INPP4B: variants seen among roughly 807,000 people sequenced by gnomAD.
INPP4B encodes the protein inositol polyphosphate-4-phosphatase type II B, also known as inositol polyphosphate 4-phosphatase type II.
Under a neutral mutation model 122.5 loss-of-function variants are expected in INPP4B, and 55 were observed. The ratio of observed to expected loss-of-function variants is 0.45; its 90% confidence interval spans 0.36 to 0.56. The LOEUF (loss-of-function observed/expected upper bound fraction) is 0.56. Among genes scored for constraint, INPP4B ranks in the 20% least tolerant of loss-of-function variants. INPP4B has a pLI of 0.00. For synonymous variants in INPP4B, 403 were observed against 388.7 expected, an observed-to-expected ratio of 1.04 and a Z score of -0.43; for missense variants, 1,000 against 1,097.7, an observed-to-expected ratio of 0.91 and a Z score of 1.26.
intron 7 of INPP4B, among the ~76,000 whole-genome samples, chr4:142,376,953 T>G (rs1421798244): frequency 6.6e-6 from 1 of 152,080 alleles, no homozygotes; most frequent in Admixed American, 6.6e-5. Context: ...TTATGTAATG[T>G]CACAAATCGA....
At chr4:142,072,440 C>T (rs1426267613) in intron 25 of INPP4B, among the ~76,000 whole-genome samples, 1 of 150,912 alleles carries the variant, frequency 6.6e-6, no homozygotes, top group African/African-American at 2.4e-5. Context: ...AACTAACCTG[C>T]ACATTGTGCA....
At chr4:142,476,439 T>C (rs1340205025) in intron 2 of INPP4B, among the ~76,000 whole-genome samples, 1 of 152,148 alleles carries the variant, frequency 6.6e-6, no homozygotes, top group Non-Finnish European at 1.5e-5. Context: ...CAAGTCTGCA[T>C]GATAACCAGC....
chr4:142,659,179 C>T (rs540714861), intron 2 of INPP4B, among the ~76,000 whole-genome samples: 1 of 151,580 alleles, frequency 6.6e-6, no homozygotes, highest in South Asian at 2.1e-4. Flanking sequence ...GCGGGCAGAT[C>T]ACCAGGTCAG....
At chr4:142,099,858 T>C (rs933917594) in intron 23 of INPP4B, among the ~76,000 whole-genome samples, 1 of 152,156 alleles carries the variant, frequency 6.6e-6, no homozygotes, top group African/African-American at 2.4e-5. Context: ...AATTTCATCT[T>C]CTTTTACACT....
At chr4:142,090,164 C>A (rs1561081371) in intron 23 of INPP4B, among the ~76,000 whole-genome samples, 1 of 152,146 alleles carries the variant, frequency 6.6e-6, no homozygotes, top group Non-Finnish European at 1.5e-5. Context: ...AAATGTAAAT[C>A]AAGCACCTGG....
chr4:142,315,536 C>A (rs1054718155), intron 7 of INPP4B, among the ~76,000 whole-genome samples: 2 of 151,840 alleles, frequency 1.3e-5, no homozygotes, highest in African/African-American at 4.8e-5. Context: ...CACCTGGGGA[C>A]CCTTTCAAAC....
chr4:142,078,765 C>A (rs369912311), intron 25 of INPP4B, among the ~76,000 whole-genome samples: 3 of 151,820 alleles, frequency 2.0e-5, no homozygotes, highest in Non-Finnish European at 4.4e-5. Flanking sequence ...ATAACCTTGG[C>A]GAACTTTATT....
chr4:142,318,872 CCAA>C (rs1354888442), intron 7 of INPP4B, among the ~76,000 whole-genome samples: 7 of 152,120 alleles, frequency 4.6e-5, no homozygotes. Context: ...TTAATTGTTC[CCAA>C]CAAGAGGCTG....
chr4:142,666,398 A>T (rs1380554183), intron 2 of INPP4B, among the ~76,000 whole-genome samples: 2 of 152,170 alleles, frequency 1.3e-5, no homozygotes, highest in Non-Finnish European at 1.5e-5. Context: ...AGAGGTAAAT[A>T]AAAACAAAAA....
At chr4:142,323,375 G>A (rs1476188747) in intron 7 of INPP4B, among the ~76,000 whole-genome samples, 1 of 151,446 alleles carries the variant, frequency 6.6e-6, no homozygotes, top group African/African-American at 2.4e-5. Flanking sequence ...GTCATAATGA[G>A]AACAGGTCTT....
intron 2 of INPP4B, among the ~76,000 whole-genome samples, chr4:142,488,389 CT>C (rs1405842773): frequency 1.3e-5 from 2 of 152,024 alleles, no homozygotes; most frequent in South Asian, 2.1e-4. Flanking sequence ...ATCATGATGT[CT>C]TTGTAAAATC....
chr4:142,726,588 A>G (rs1765375643), intron 1 of INPP4B, among the ~76,000 whole-genome samples: 1 of 152,230 alleles, frequency 6.6e-6, no homozygotes, highest in Non-Finnish European at 1.5e-5. Flanking sequence ...CTAAATGTTC[A>G]GATTGGAGGA....
intron 18 of INPP4B, among the ~76,000 whole-genome samples, chr4:142,141,855 T>C (rs577723457): frequency 1.3e-5 from 2 of 152,098 alleles, no homozygotes; most frequent in East Asian, 3.9e-4. Context: ...ATAGCTACAA[T>C]GTAAAAATAA....
At chr4:142,529,967 A>G (rs1284601408) in intron 2 of INPP4B, among the ~76,000 whole-genome samples, 2 of 152,140 alleles carry the variant, frequency 1.3e-5, no homozygotes, top group Non-Finnish European at 2.9e-5. Flanking sequence ...TACGTATGCT[A>G]CTTCCATCAC....
At chr4:142,202,085 G>A (rs1031587905) in intron 14 of INPP4B, among the ~76,000 whole-genome samples, 1 of 151,804 alleles carries the variant, frequency 6.6e-6, no homozygotes, top group South Asian at 2.1e-4. Flanking sequence ...ATTGTCTTTG[G>A]CTTTGTGAAA....
chr4:142,609,631 G>A (rs952185887), intron 2 of INPP4B, among the ~76,000 whole-genome samples: 3 of 152,048 alleles, frequency 2.0e-5, no homozygotes, highest in African/African-American at 7.2e-5. Context: ...GATTCAAAAT[G>A]TTTCTCCAAA....
chr4:142,778,070 A>T (rs1002732742), intron 1 of INPP4B, among the ~76,000 whole-genome samples: 1 of 152,162 alleles, frequency 6.6e-6, no homozygotes, highest in Non-Finnish European at 1.5e-5. Flanking sequence ...TTACTATTAC[A>T]CCATGTTAGC....
intron 25 of INPP4B, among the ~76,000 whole-genome samples, chr4:142,065,577 C>T (rs998127223): frequency 5.9e-5 from 9 of 152,140 alleles, no homozygotes; most frequent in South Asian, 2.1e-4. Flanking sequence ...AAATGTTATG[C>T]TAAATGAAAG....
chr4:142,351,934 A>G (rs369255430), intron 7 of INPP4B, among the ~76,000 whole-genome samples: 33 of 152,178 alleles, frequency 2.2e-4, no homozygotes, highest in African/African-American at 7.7e-4. Context: ...TAAAAGTGGA[A>G]CTGAAAAAGC....
Sources: gnomAD v4.1 joint callset for allele counts (sites outside exome capture counted in the v4.1 genomes callset) on GRCh38, gnomAD v4.1.1 for gene constraint, MANE v1.5 for transcripts, NCBI Gene and HGNC (gene_info 2026-07-23, HGNC 2026-07-21) for gene names.